BBOX1: variants seen among roughly 807,000 people sequenced by gnomAD.
The protein encoded by BBOX1 is gamma-butyrobetaine hydroxylase 1, also known as gamma-butyrobetaine dioxygenase.
Under a neutral mutation model 41.6 loss-of-function variants are expected in BBOX1, and 35 were observed. The observed-to-expected ratio is 0.84, with a 90% CI of 0.64 to 1.11. The LOEUF (loss-of-function observed/expected upper bound fraction) is 1.11, where lower values mean the gene tolerates loss of function less well. Among genes scored for constraint, BBOX1 ranks in the 50% most tolerant of loss-of-function variants. The pLI is 0.00. For missense variants in BBOX1, 458 were observed against 460.6 expected (o/e 0.99, Z 0.05); for synonymous variants, 163 against 154.7 (o/e 1.05, Z -0.40).
At chr11:27,066,356 T>A (rs1857278967) in intron 4 of BBOX1, 2 of 152,188 alleles carry the variant, frequency 1.3e-5, no homozygotes, top group Non-Finnish European at 2.9e-5. Context: ...AAAGTTGGAA[T>A]ACTTTCTACA....
chr11:27,106,514 G>T (rs932136099), intron 5 of BBOX1, among the ~76,000 whole-genome samples: 2 of 152,112 alleles, frequency 1.3e-5, no homozygotes, highest in African/African-American at 4.8e-5. Context: ...TAATGGTAAA[G>T]GGATCAATTG....
chr11:27,064,791 G>GGGT (rs772621129), intron 4 of BBOX1, among the ~76,000 whole-genome samples: 2 of 152,068 alleles, frequency 1.3e-5, no homozygotes, highest in Non-Finnish European at 2.9e-5. Context: ...TGAAATCATA[G>GGGT]GGGGTCAAAG....
intron 5 of BBOX1, among the ~76,000 whole-genome samples, chr11:27,105,930 A>C (rs371135605): frequency 1.8e-4 from 27 of 152,228 alleles, no homozygotes; most frequent in Middle Eastern, 3.4e-3. Flanking sequence ...GAGTGGGGGC[A>C]AATATTCAAC....
At chr11:27,048,690 A>T (rs1429537827) in intron 2 of BBOX1, among the ~76,000 whole-genome samples, 3 of 151,630 alleles carry the variant, frequency 2.0e-5, no homozygotes, top group Admixed American at 6.6e-5. Flanking sequence ...TCTCATTGAC[A>T]TACTGATTTC....
intron 5 of BBOX1, among the ~76,000 whole-genome samples, chr11:27,095,494 T>G (rs1157418608): frequency 1.3e-5 from 2 of 152,002 alleles, no homozygotes; most frequent in African/African-American, 4.8e-5. Context: ...TCAGAACTCC[T>G]ACTACCATTC....
At chr11:27,075,003 C>A (rs192523031) in intron 4 of BBOX1, among the ~76,000 whole-genome samples, 1 of 152,280 alleles carries the variant, frequency 6.6e-6, no homozygotes, top group East Asian at 1.9e-4. Context: ...GTCCGGAGGA[C>A]GTGGCTAATG....
rs572568139 is a variant in BBOX1 at position 27,116,322 on chromosome 11, G to C, written c.639+765G>C. 1.1e-4 allele frequency among the ~76,000 whole-genome samples: 17 copies of C among 151,900 alleles called. No homozygotes were observed. In the East Asian group the frequency reaches 2.3e-3, roughly 21 times the overall value. ...AACATCACACACTGGGGCCTGTTGG[G>C]GGGGTTGGGAGGATAGGGGAGGGAT... is the stretch of plus-strand genomic sequence containing the variant. On this transcript the variant is annotated intron_variant, in intron 6 of 8. Coordinates refer to ENST00000263182, the MANE Select transcript of BBOX1 (RefSeq NM_003986.3).
intron 4 of BBOX1, among the ~76,000 whole-genome samples, chr11:27,089,748 T>C (rs1396512698): frequency 6.6e-6 from 1 of 152,016 alleles, no homozygotes; most frequent in Non-Finnish European, 1.5e-5. Context: ...TCTTTTAATG[T>C]TCTGGACATG....
chr11:27,059,179 G>A (rs1007435374), intron 4 of BBOX1, among the ~76,000 whole-genome samples: 7 of 152,248 alleles, frequency 4.6e-5, no homozygotes, highest in African/African-American at 1.4e-4. Context: ...CTCCAGCCTC[G>A]GCTCCAAGGG....
intron 4 of BBOX1, among the ~76,000 whole-genome samples, chr11:27,076,134 C>T (rs533621391): frequency 6.6e-6 from 1 of 152,314 alleles, no homozygotes; most frequent in African/African-American, 2.4e-5. Context: ...AATGCTGCTG[C>T]TCCTCTGGGT....
intron 2 of BBOX1, among the ~76,000 whole-genome samples, chr11:27,048,749 C>CTTTTTTTTTT (rs35376713): frequency 7.5e-6 from 1 of 132,998 alleles, no homozygotes. Context: ...AATGGTAGTT[C>CTTTTTTTTTT]TTTTTTTTTT....
At chr11:27,056,119 A>T (rs1226662768) in intron 3 of BBOX1, among the ~76,000 whole-genome samples, 1 of 152,190 alleles carries the variant, frequency 6.6e-6, no homozygotes, top group African/African-American at 2.4e-5. Context: ...CCTGAAAAAA[A>T]TGAGAATAAT....
At chr11:27,068,149 C>G (rs1857346150) in intron 4 of BBOX1, among the ~76,000 whole-genome samples, 1 of 152,120 alleles carries the variant, frequency 6.6e-6, no homozygotes, top group South Asian at 2.1e-4. Context: ...TAAGAAATCT[C>G]CATACTCTTT....
At position 27,093,282 on chromosome 11, in the gene BBOX1, T is replaced by G; in HGVS notation, c.449T>G (p.Val150Gly). Residue 150 changes from valine (V) to glycine (G), a missense_variant, in exon 5 of 9, where the codon GTA becomes GGA. Val to Gly is a moderately radical substitution (Grantham distance 109). Coordinates refer to ENST00000263182, the MANE Select transcript of BBOX1 (RefSeq NM_003986.3). ...WLSTLKKVGIVRLTGASDKPG... is the reference protein window; with the variant it reads ...WLSTLKKVGIGRLTGASDKPG... ...TCCACCCTCAAGAAAGTAGGCATAG[T>G]AAGACTCACCGGAGCATCTGACAAA... is the stretch of plus-strand genomic sequence containing the variant. The G allele has an allele frequency of 1.2e-6, 2 of 1,612,590 alleles. No individual in the cohort carries two copies. Among genetic ancestry groups the G allele is most frequent in the Non-Finnish European group, 1.7e-6 (2 of 1,179,072 alleles).
chr11:27,088,635 A>G (rs1229356533), intron 4 of BBOX1, among the ~76,000 whole-genome samples: 1 of 152,008 alleles, frequency 6.6e-6, no homozygotes, highest in Admixed American at 6.6e-5. Context: ...GGGACAGACT[A>G]AGCTATGGAT....
chr11:27,082,011 G>T (rs1384583180), intron 4 of BBOX1, among the ~76,000 whole-genome samples: 1 of 152,054 alleles, frequency 6.6e-6, no homozygotes, highest in East Asian at 1.9e-4. Context: ...TAGGTTGCCT[G>T]TTCACTCTGA....
chr11:27,044,566 G>C (rs549100440), intron 2 of BBOX1, among the ~76,000 whole-genome samples: 1 of 152,216 alleles, frequency 6.6e-6, no homozygotes, highest in South Asian at 2.1e-4. Context: ...TATGGTTTTA[G>C]GTCTTGCGTT....
At chr11:27,111,808 T>C (rs1859073973) in intron 5 of BBOX1, among the ~76,000 whole-genome samples, 1 of 151,984 alleles carries the variant, frequency 6.6e-6, no homozygotes, top group African/African-American at 2.4e-5. Context: ...GCTGTTATAC[T>C]GAGTAATCAA....
chr11:27,124,362 G>T (rs1024763412), intron 7 of BBOX1, among the ~76,000 whole-genome samples: 1 of 152,110 alleles, frequency 6.6e-6, no homozygotes, highest in African/African-American at 2.4e-5. Flanking sequence ...AAAAGATAAA[G>T]TTGACTGACA....
Sources: gnomAD v4.1 joint callset for allele counts (sites outside exome capture counted in the v4.1 genomes callset) on GRCh38, gnomAD v4.1.1 for gene constraint, MANE v1.5 for transcripts, NCBI Gene and HGNC (gene_info 2026-07-23, HGNC 2026-07-21) for gene names.